The following HECW2 variants were observed in gnomAD, a reference collection of about 807,000 sequenced individuals.
HECW2 encodes HECT, C2 and WW domain containing E3 ubiquitin protein ligase 2, also known as E3 ubiquitin-protein ligase HECW2.
In HECW2, 61 loss-of-function variants were observed where a neutral mutation model predicts 175.2. That is an observed-to-expected ratio of 0.35 (90% CI 0.28 to 0.43). HECW2 has a LOEUF of 0.43. HECW2 is among the 20% of genes least tolerant of loss of function. The pLI, the probability that HECW2 is intolerant of heterozygous loss-of-function variation, is 1.00. For missense variants in HECW2, 1,524 were observed against 2,000.5 expected (o/e 0.76, Z 4.54); for synonymous variants, 671 against 731.0 (o/e 0.92, Z 1.32).
chr2:196,430,919 C>G (rs1290639475), intron 2 of HECW2, among the ~76,000 whole-genome samples: 1 of 152,016 alleles, frequency 6.6e-6, no homozygotes, highest in African/African-American at 2.4e-5. Context: ...TCATCAAAAA[C>G]ATTAACTTAC....
Position 196,483,978 on chromosome 2 carries a change from T to C in HECW2, c.-35-50520A>G, listed in dbSNP as rs1451097425. Among the ~76,000 whole-genome samples the C allele has an allele frequency of 3.9e-5, 6 of 152,194 alleles. No individual in the cohort carries two copies. In the East Asian group the frequency reaches 9.6e-4, roughly 24 times the overall value. Reference sequence around the variant, plus strand: ...TTAGATGTTATAACAGTGATGTATGTATGGTTAAAAAGGCAAGACAGAGTA... The same window carrying C: ...TTAGATGTTATAACAGTGATGTATGCATGGTTAAAAAGGCAAGACAGAGTA... On this transcript the variant is annotated intron_variant, in intron 1 of 28. Coordinates refer to ENST00000644978, the MANE Select transcript of HECW2 (RefSeq NM_001348768.2).
rs192619538 is a variant in HECW2, at chr2:196,380,347, C to G, written c.293-36583G>C. Among the ~76,000 whole-genome samples the G allele has an allele frequency of 4.5e-3, 690 of 152,322 alleles. 23 individuals carry two copies. Among genetic ancestry groups the G allele is most frequent in the Non-Finnish European group, 6.6e-4 (45 of 68,030 alleles). ...GGTCAGGCACAGAAGAAAATAAGGT[C>G]TCTCCTGGGTATGCACACAGCCCTT... On this transcript the variant is annotated intron_variant, in intron 2 of 28. Transcript: ENST00000644978.
chr2:196,293,402 T>C (rs1056484932), intron 13 of HECW2, among the ~76,000 whole-genome samples: 3 of 152,352 alleles, frequency 2.0e-5, no homozygotes, highest in South Asian at 2.1e-4. Flanking sequence ...CAGTCTATCA[T>C]TGATGGATAT....
intron 1 of HECW2, among the ~76,000 whole-genome samples, chr2:196,512,593 T>C (rs1687992507): frequency 1.3e-5 from 2 of 152,112 alleles, no homozygotes; most frequent in Admixed American, 6.5e-5. Context: ...TCTCACTATG[T>C]TGCTCTAGCT....
intron 17 of HECW2, chr2:196,269,574 A>T (rs915945451): frequency 6.6e-6 from 1 of 151,242 alleles, no homozygotes; most frequent in Admixed American, 6.6e-5. Flanking sequence ...TTTCAAATCG[A>T]CAACTATATA....
chr2:196,231,258 A>G (rs540339516), intron 21 of HECW2, among the ~76,000 whole-genome samples: 31 of 152,190 alleles, frequency 2.0e-4, no homozygotes, highest in African/African-American at 7.5e-4. Flanking sequence ...TTTTATAGAG[A>G]CGACTAAGGC....
At chr2:196,347,340 G>T (rs367792430) in intron 2 of HECW2, among the ~76,000 whole-genome samples, 1 of 152,174 alleles carries the variant, frequency 6.6e-6, no homozygotes, top group South Asian at 2.1e-4. Flanking sequence ...GATTACAGGT[G>T]TAAGCCACCA....
chr2:196,197,811 G>T lies in HECW2; in HGVS notation c.*3466C>A, dbSNP rs1686738567. ...GAACATGATGCTTGTACCCTACAAA[G>T]TGCGTGAGGAGCTAAACGGACGATG... On this transcript the variant is annotated 3_prime_UTR_variant, in exon 29 of 29. Coordinates refer to ENST00000644978, the MANE Select transcript of HECW2 (RefSeq NM_001348768.2). 1 of 152,186 alleles carries T rather than the reference G, an allele frequency of 6.6e-6. No individual in the cohort carries two copies. The highest frequency in any genetic ancestry group is 2.1e-4 in the South Asian group (1 of 4,832). 9.4% of individuals were successfully genotyped at this position (152,186 alleles called of 1,614,324 possible).
intron 1 of HECW2, among the ~76,000 whole-genome samples, chr2:196,520,633 T>C (rs1688328612): frequency 6.6e-6 from 1 of 152,242 alleles, no homozygotes; most frequent in African/African-American, 2.4e-5. Context: ...TATTGGAGGT[T>C]AGAAATGTTC....
chr2:196,518,654 CAAA>C lies in HECW2; in HGVS notation c.-36+74851_-36+74853del, dbSNP rs747681637. On this transcript the variant is annotated intron_variant, in intron 1 of 28. Coordinates refer to ENST00000644978, the MANE Select transcript of HECW2 (RefSeq NM_001348768.2). The stretch of plus-strand genomic sequence containing the variant: ...TAGGCAACAGAGCGAGATTCTGTCT[CAAA>C]AAAAAAAAAAAAAAAAAAAAACCCT... Among the ~76,000 whole-genome samples the C allele has an allele frequency of 1.4e-4, 11 of 77,406 alleles. No homozygotes were observed. In the South Asian group the frequency reaches 1.4e-3, roughly 10 times the overall value. 50.8% of individuals were successfully genotyped at this position (77,406 alleles called of 152,430 possible).
At chr2:196,451,850 G>A (rs546059768) in intron 1 of HECW2, among the ~76,000 whole-genome samples, 2 of 152,224 alleles carry the variant, frequency 1.3e-5, no homozygotes, top group South Asian at 4.1e-4. Context: ...AGTGAACCGA[G>A]ATCACACCGC....
At chr2:196,358,906 A>G (rs935642496) in intron 2 of HECW2, among the ~76,000 whole-genome samples, 11 of 152,204 alleles carry the variant, frequency 7.2e-5, no homozygotes, top group African/African-American at 2.4e-4. Context: ...CACATGTAGT[A>G]TCTCCATACT....
chr2:196,526,053 G>A (rs1575637333), intron 1 of HECW2, among the ~76,000 whole-genome samples: 1 of 63,856 alleles, frequency 1.6e-5, no homozygotes, highest in Non-Finnish European at 3.1e-5. Context: ...AGTTCTCCTG[G>A]ATAATATCCT....
intron 1 of HECW2, among the ~76,000 whole-genome samples, chr2:196,571,759 A>G (rs1170361594): frequency 6.6e-6 from 1 of 152,170 alleles, no homozygotes; most frequent in Non-Finnish European, 1.5e-5. Context: ...AGATGCTTCC[A>G]TACAAAGCAA....
chr2:196,438,105 G>A (rs1057072446), intron 1 of HECW2, among the ~76,000 whole-genome samples: 4 of 152,106 alleles, frequency 2.6e-5, no homozygotes, highest in African/African-American at 9.7e-5. Flanking sequence ...GGAAATATTT[G>A]CTGAATGAAT....
chr2:196,241,013 G>GAA (rs11384057), intron 20 of HECW2, among the ~76,000 whole-genome samples: 152 of 150,876 alleles, frequency 1.0e-3, no homozygotes, highest in South Asian at 8.4e-3. Flanking sequence ...GAACAAAGAG[G>GAA]AAAAAAAAAA....
intron 28 of HECW2, among the ~76,000 whole-genome samples, chr2:196,210,124 T>C (rs1687222766): frequency 6.6e-6 from 1 of 152,210 alleles, no homozygotes; most frequent in Non-Finnish European, 1.5e-5. Flanking sequence ...TTTTCCGGTA[T>C]ACTGGCTGAT....
At chr2:196,325,171 G>A in intron 5 of HECW2, 22 bp from the exon 6 acceptor site, 1 of 1,548,894 alleles carries the variant, frequency 6.5e-7, no homozygotes, top group Non-Finnish European at 8.7e-7. Flanking sequence ...GAGGGAGAAG[G>A]AGGGAGGGAC....
chr2:196,488,879 C>T (rs1345071776), intron 1 of HECW2, among the ~76,000 whole-genome samples: 1 of 152,150 alleles, frequency 6.6e-6, no homozygotes, highest in Non-Finnish European at 1.5e-5. Flanking sequence ...GCACAAAACT[C>T]AGTGCCTACA....
Sources: gnomAD v4.1 joint callset for allele counts (sites outside exome capture counted in the v4.1 genomes callset) on GRCh38, gnomAD v4.1.1 for gene constraint, MANE v1.5 for transcripts, NCBI Gene and HGNC (gene_info 2026-07-23, HGNC 2026-07-21) for gene names.